Variants in RASGRP1 observed in about 807,000 individuals in gnomAD.
RASGRP1 encodes RAS guanyl-releasing protein 1.
Under a neutral mutation model 95.1 loss-of-function variants are expected in RASGRP1, and 37 were observed. The ratio of observed to expected loss-of-function variants is 0.39; its 90% CI spans 0.30 to 0.51. The LOEUF (loss-of-function observed/expected upper bound fraction) is 0.51, where lower values mean the gene tolerates loss of function less well. Ranked by LOEUF, RASGRP1 falls within the 20% of genes least tolerant of loss-of-function variation. RASGRP1 has a pLI of 0.80. For synonymous variants in RASGRP1, 325 were observed against 353.4 expected, an observed-to-expected ratio of 0.92 and a Z score of 0.90; for missense variants, 711 against 965.4, an observed-to-expected ratio of 0.74 and a Z score of 3.49.
At chr15:38,548,573 CA>C (rs903043493) in intron 2 of RASGRP1, among the ~76,000 whole-genome samples, 1 of 151,824 alleles carries the variant, frequency 6.6e-6, no homozygotes, top group Non-Finnish European at 1.5e-5. Context: ...GACCCTGTCT[CA>C]AAAAAAGATT....
chr15:38,491,985 T>C (rs1354086514), intron 16 of RASGRP1, among the ~76,000 whole-genome samples: 1 of 152,192 alleles, frequency 6.6e-6, no homozygotes, highest in African/African-American at 2.4e-5. Context: ...GCCCTGTATT[T>C]CACAAGGACC....
At chr15:38,544,991 A>G (rs1240098969) in intron 2 of RASGRP1, among the ~76,000 whole-genome samples, 2 of 152,216 alleles carry the variant, frequency 1.3e-5, no homozygotes, top group African/African-American at 2.4e-5. Flanking sequence ...TCAGATATGA[A>G]AGTTCTCCTT....
In RASGRP1 at chr15:38,516,074, CAG is replaced by C. The variant is rs1198504920; in HGVS notation, c.675+121_675+122del. 6.1e-6 allele frequency: 7 copies of C among 1,154,284 alleles called. No homozygotes were observed. In the African/African-American group the frequency reaches 9.3e-5, roughly 15 times the overall value. 71.5% of individuals were successfully genotyped at this position (1,154,284 alleles called of 1,614,324 possible). The stretch of plus-strand genomic sequence containing the variant: ...TTTTTTCAGACTCTATGATGTCTGG[CAG>C]GAAAGCCTGCCACGACTTGAGGGGG... On this transcript the variant is annotated intron_variant, in intron 6 of 16. Coordinates refer to ENST00000310803, the MANE Select transcript of RASGRP1 (RefSeq NM_005739.4).
At chr15:38,492,723 C>A (rs1207161695) in intron 16 of RASGRP1, among the ~76,000 whole-genome samples, 1 of 152,084 alleles carries the variant, frequency 6.6e-6, no homozygotes, top group African/African-American at 2.4e-5. Context: ...TAGGTTCTTA[C>A]CAATTATAGG....
At chr15:38,509,878 CTTAATAAAA>C (rs1891431084) in intron 8 of RASGRP1, among the ~76,000 whole-genome samples, 3 of 152,184 alleles carry the variant, frequency 2.0e-5, no homozygotes, top group Non-Finnish European at 4.4e-5. Context: ...TGTGCCCAAA[CTTAATAAAA>C]TTGTGGCCTA....
At chr15:38,541,057 G>A (rs764723759) in intron 2 of RASGRP1, among the ~76,000 whole-genome samples, 6 of 152,168 alleles carry the variant, frequency 3.9e-5, no homozygotes, top group Non-Finnish European at 8.8e-5. Flanking sequence ...ACCATGTTGA[G>A]GGCTGGGCAA....
At chr15:38,531,602 A>T (rs1892440184) in intron 2 of RASGRP1, among the ~76,000 whole-genome samples, 1 of 152,026 alleles carries the variant, frequency 6.6e-6, no homozygotes, top group Non-Finnish European at 1.5e-5. Context: ...GCTTTTCCAC[A>T]GTTTCAGTGA....
At chr15:38,512,003 C>T (rs1045449423) in intron 7 of RASGRP1, among the ~76,000 whole-genome samples, 2 of 148,818 alleles carry the variant, frequency 1.3e-5, no homozygotes, top group Non-Finnish European at 3.1e-5. Context: ...ATTTGTTTAA[C>T]ACAATGGTTT....
chr15:38,518,654 T>C (rs1459236647), intron 4 of RASGRP1, among the ~76,000 whole-genome samples: 1 of 152,126 alleles, frequency 6.6e-6, no homozygotes, highest in Non-Finnish European at 1.5e-5. Context: ...AGGCATAGCA[T>C]AATCAAAGGA....
intron 2 of RASGRP1, among the ~76,000 whole-genome samples, chr15:38,534,991 G>A (rs531593243): frequency 6.6e-6 from 1 of 152,310 alleles, no homozygotes; most frequent in East Asian, 1.9e-4. Context: ...GCGAGTGGCT[G>A]AAGAACCACA....
intron 2 of RASGRP1, 67 bp from the exon 3 acceptor site, chr15:38,526,471 G>GCAAACC: frequency 2.5e-6 from 3 of 1,217,948 alleles, no homozygotes; most frequent in Non-Finnish European, 3.6e-6. Context: ...GTAGACACCT[G>GCAAACC]CAAACCCTCT....
chr15:38,544,600 T>C (rs1398754369), intron 2 of RASGRP1, among the ~76,000 whole-genome samples: 1 of 152,260 alleles, frequency 6.6e-6, no homozygotes, highest in African/African-American at 2.4e-5. Context: ...GTCTGTGTGA[T>C]GCCTTCTGCC....
chr15:38,495,260 A>T (rs375493640), intron 15 of RASGRP1, among the ~76,000 whole-genome samples: 2 of 152,184 alleles, frequency 1.3e-5, no homozygotes, highest in African/African-American at 4.8e-5. Flanking sequence ...AAGAAGTTTT[A>T]GCTTTGTGGA....
chr15:38,494,613 T>G lies in RASGRP1; in HGVS notation c.2028A>C (p.Glu676Asp). Residue 676 changes from glutamate to aspartate, a missense_variant, in exon 16 of 17, where the codon GAA becomes GAC. Around this residue, in one of 3 missense-constraint regions of RASGRP1, gnomAD observed 212 missense variants for 247.8 expected, o/e 0.86. Transcript: ENST00000310803. ...CCTCACTGCCAATCCAAGGCTGTGATTCAGTCTGGGTGGCCTTGTGGGCAA... is the reference window on the plus strand; with the variant it reads ...CCTCACTGCCAATCCAAGGCTGTGAGTCAGTCTGGGTGGCCTTGTGGGCAA... ...RAVAHKATQT[E>D]SQPWIGSEGP... 1 of 1,561,430 alleles carries G rather than the reference T, an allele frequency of 6.4e-7. No individual in the cohort carries two copies. Among genetic ancestry groups the G allele is most frequent in the Non-Finnish European group, 8.6e-7 (1 of 1,158,420 alleles).
At chr15:38,516,093 T>C (rs62003611) in intron 6 of RASGRP1, 104 bp downstream of exon 6, 20,360 of 1,351,772 alleles carry the variant, frequency 0.015, 198 homozygotes, top group Non-Finnish European at 0.019. Flanking sequence ...CTGCCACGAC[T>C]TGAGGGGGCC....
At chr15:38,499,020 C>G (rs761541133) in intron 14 of RASGRP1, 74 bp from the exon 15 acceptor site, 2 of 1,581,882 alleles carry the variant, frequency 1.3e-6, no homozygotes, top group Admixed American at 1.7e-5. Context: ...CAACCAAATT[C>G]ATGCAGTGCT....
At chr15:38,560,131 C>G in intron 1 of RASGRP1, 126 bp from the exon 2 acceptor site, 1 of 869,738 alleles carries the variant, frequency 1.1e-6, no homozygotes, top group Non-Finnish European at 1.8e-6. Context: ...AAGCCATACC[C>G]CTCCCACTTG....
At chr15:38,558,034 G>C (rs934901329) in intron 2 of RASGRP1, among the ~76,000 whole-genome samples, 1 of 152,134 alleles carries the variant, frequency 6.6e-6, no homozygotes, top group African/African-American at 2.4e-5. Flanking sequence ...AACAGGTATG[G>C]AAGGAAGGAA....
chr15:38,530,419 A>AG (rs1173939220), intron 2 of RASGRP1, among the ~76,000 whole-genome samples: 3 of 152,232 alleles, frequency 2.0e-5, no homozygotes, highest in Admixed American at 2.0e-4. Flanking sequence ...GACATAGAGA[A>AG]GGTAAAAAGT....
Sources: allele counts gnomAD v4.1 joint callset (sites outside exome capture counted in the v4.1 genomes callset), GRCh38; gene constraint gnomAD v4.1.1; regional missense constraint gnomAD v4.1.1; transcripts MANE v1.5; gene names NCBI Gene and HGNC (gene_info 2026-07-23, HGNC 2026-07-21).